FHIT: variants seen among roughly 807,000 people sequenced by gnomAD.
The protein encoded by FHIT is bis(5'-adenosyl)-triphosphatase.
In FHIT, 19 loss-of-function variants were observed where a neutral mutation model predicts 17.9. The ratio of observed to expected loss-of-function variants is 1.06; its 90% confidence interval spans 0.74 to 1.56. FHIT has a LOEUF of 1.56. Among genes scored for constraint, FHIT ranks in the 40% most tolerant of loss-of-function variants. The pLI, the probability that FHIT is intolerant of heterozygous loss-of-function variation, is 0.00. For missense variants in FHIT, 248 were observed against 189.2 expected, an observed-to-expected ratio of 1.31 and a Z score of -1.82; for synonymous variants, 81 against 69.7, an observed-to-expected ratio of 1.16 and a Z score of -0.81.
At chr3:60,074,347 T>C (rs544470893) in intron 5 of FHIT, among the ~76,000 whole-genome samples, 3 of 152,212 alleles carry the variant, frequency 2.0e-5, no homozygotes, top group Non-Finnish European at 4.4e-5. Flanking sequence ...AATTTTCTCT[T>C]GTTCCTCTAC....
intron 8 of FHIT, among the ~76,000 whole-genome samples, chr3:59,874,678 A>AT (rs5849306): frequency 0.82 from 121,589 of 148,252 alleles, 50,045 homozygotes; most frequent in East Asian, 0.98. Flanking sequence ...TGTGTTTTTC[A>AT]TTTTTTTTTT....
intron 4 of FHIT, among the ~76,000 whole-genome samples, chr3:60,572,051 C>G (rs2037403065): frequency 6.6e-6 from 1 of 151,258 alleles, no homozygotes; most frequent in Non-Finnish European, 1.5e-5. Context: ...GAAGATTTAA[C>G]AGGCATTACT....
intron 4 of FHIT, among the ~76,000 whole-genome samples, chr3:60,622,089 A>T (rs1336632744): frequency 6.6e-6 from 1 of 152,116 alleles, no homozygotes; most frequent in Non-Finnish European, 1.5e-5. Context: ...GGGAGCTTAA[A>T]TAACTTGCTT....
intron 8 of FHIT, among the ~76,000 whole-genome samples, chr3:59,785,107 C>T (rs189655127): frequency 2.2e-4 from 33 of 152,126 alleles, no homozygotes; most frequent in African/African-American, 7.5e-4. Flanking sequence ...AACTCACTAT[C>T]ACGAGGATGG....
At chr3:59,871,469 T>C (rs192922253) in intron 8 of FHIT, among the ~76,000 whole-genome samples, 38 of 152,038 alleles carry the variant, frequency 2.5e-4, no homozygotes, top group Non-Finnish European at 3.8e-4. Context: ...CACGCACACA[T>C]ACAAAGACCA....
intron 5 of FHIT, among the ~76,000 whole-genome samples, chr3:60,301,710 A>T (rs1708464583): frequency 6.6e-6 from 1 of 152,166 alleles, no homozygotes; most frequent in Admixed American, 6.6e-5. Context: ...AAAATAAGTG[A>T]TTAGGATAAA....
chr3:60,553,458 A>T (rs1253304532), intron 4 of FHIT: 31 of 348,602 alleles, frequency 8.9e-5, no homozygotes, highest in South Asian at 2.3e-4. Flanking sequence ...ATATATATAT[A>T]TTTTATATTT....
chr3:60,449,542 A>G (rs1326073761), intron 5 of FHIT, among the ~76,000 whole-genome samples: 1 of 152,094 alleles, frequency 6.6e-6, no homozygotes, highest in Non-Finnish European at 1.5e-5. Flanking sequence ...CTGTACTTAC[A>G]CAAACCTAGA....
At chr3:61,025,056 G>A (rs1371766536) in intron 3 of FHIT, among the ~76,000 whole-genome samples, 1 of 152,052 alleles carries the variant, frequency 6.6e-6, no homozygotes, top group East Asian at 1.9e-4. Flanking sequence ...TAGACATTGT[G>A]TTTTCATCCC....
chr3:60,482,992 G>T (rs1240511681), intron 5 of FHIT, among the ~76,000 whole-genome samples: 1 of 151,854 alleles, frequency 6.6e-6, no homozygotes, highest in African/African-American at 2.4e-5. Context: ...AATGATAATA[G>T]GGATATCACC....
chr3:59,962,944 C>G (rs184276048), intron 7 of FHIT, among the ~76,000 whole-genome samples: 131 of 152,182 alleles, frequency 8.6e-4, no homozygotes, highest in Middle Eastern at 3.4e-3. Context: ...TTCTAATAAG[C>G]CAGGTATAAT....
chr3:59,928,390 G>A (rs1006745442), intron 7 of FHIT, among the ~76,000 whole-genome samples: 5 of 152,106 alleles, frequency 3.3e-5, no homozygotes, highest in African/African-American at 1.2e-4. Flanking sequence ...ACTGGAAGAG[G>A]GTGAACATCA....
intron 5 of FHIT, among the ~76,000 whole-genome samples, chr3:60,156,822 G>A (rs571557187): frequency 1.3e-5 from 2 of 152,222 alleles, no homozygotes; most frequent in South Asian, 2.1e-4. Context: ...CCTCTTCAAC[G>A]TTTTGATCTA....
At chr3:59,830,609 A>G (rs1193316905) in intron 8 of FHIT, among the ~76,000 whole-genome samples, 1 of 152,240 alleles carries the variant, frequency 6.6e-6, no homozygotes, top group East Asian at 1.9e-4. Flanking sequence ...TAGGAAAAAC[A>G]TTCAAACTCC....
intron 5 of FHIT, among the ~76,000 whole-genome samples, chr3:60,263,206 A>G (rs765926990): frequency 1.3e-5 from 2 of 152,014 alleles, no homozygotes; most frequent in Admixed American, 6.6e-5. Context: ...TCAAGTGTTG[A>G]CAAGGATTGG....
At chr3:60,408,839 T>A (rs1701966137) in intron 5 of FHIT, among the ~76,000 whole-genome samples, 1 of 151,646 alleles carries the variant, frequency 6.6e-6, no homozygotes, top group Non-Finnish European at 1.5e-5. Context: ...GGGAATAGAC[T>A]TTTTTAAAAA....
intron 5 of FHIT, among the ~76,000 whole-genome samples, chr3:60,517,958 C>G: frequency 6.6e-6 from 1 of 152,008 alleles, no homozygotes; most frequent in East Asian, 1.9e-4. Context: ...TCAAGGGTGG[C>G]CAGGAAGATA....
intron 8 of FHIT, among the ~76,000 whole-genome samples, chr3:59,798,285 C>T (rs370241733): frequency 2.0e-5 from 3 of 152,180 alleles, no homozygotes; most frequent in South Asian, 2.1e-4. Context: ...TAATCACTAA[C>T]GGTAGATAGA....
chr3:60,401,870 C>T (rs906172582), intron 5 of FHIT, among the ~76,000 whole-genome samples: 2 of 152,190 alleles, frequency 1.3e-5, no homozygotes, highest in East Asian at 3.9e-4. Context: ...TCCTTACAAG[C>T]CCTACTTGCC....
Sources: gnomAD v4.1 joint callset for allele counts (sites outside exome capture counted in the v4.1 genomes callset) on GRCh38, gnomAD v4.1.1 for gene constraint, MANE v1.5 for transcripts, NCBI Gene and HGNC (gene_info 2026-07-23, HGNC 2026-07-21) for gene names.